The following TXNRD1 variants were observed in gnomAD, a reference collection of about 807,000 sequenced individuals.
TXNRD1 encodes thioredoxin reductase 1, also known as thioredoxin reductase 1, cytoplasmic.
A neutral mutation model predicts 80.3 loss-of-function variants in TXNRD1; 57 were observed. The observed-to-expected ratio is 0.71, with a 90% confidence interval of 0.57 to 0.89. TXNRD1 has a LOEUF of 0.89. Ranked by LOEUF, TXNRD1 falls within the 40% of genes least tolerant of loss-of-function variation. TXNRD1 has a pLI of 0.00. For synonymous variants in TXNRD1, 291 were observed against 285.2 expected, an observed-to-expected ratio of 1.02 and a Z score of -0.20; for missense variants, 730 against 803.0, an observed-to-expected ratio of 0.91 and a Z score of 1.10.
At chr12:104,254,644 A>AATATATATATATATATATAT (rs1178469026) in intron 2 of TXNRD1, among the ~76,000 whole-genome samples, 8 of 93,626 alleles carry the variant, frequency 8.5e-5, no homozygotes, top group Non-Finnish European at 1.1e-4. Context: ...AAAAAAAAAA[A>AATATATATATATATATATAT]ATATATATAT....
At chr12:104,315,030 A>G (rs1041455302) in intron 6 of TXNRD1, among the ~76,000 whole-genome samples, 2 of 152,204 alleles carry the variant, frequency 1.3e-5, no homozygotes, top group Non-Finnish European at 2.9e-5. Flanking sequence ...GGCGTGAGCC[A>G]CCACGCCCAG....
At chr12:104,296,786 G>A (rs945584497) in intron 4 of TXNRD1, among the ~76,000 whole-genome samples, 2 of 152,210 alleles carry the variant, frequency 1.3e-5, no homozygotes, top group African/African-American at 4.8e-5. Flanking sequence ...TTGTTCAGAA[G>A]AGATTCTAGG....
intron 1 of TXNRD1, among the ~76,000 whole-genome samples, chr12:104,236,426 A>T (rs374700711): frequency 1.3e-5 from 2 of 152,156 alleles, no homozygotes; most frequent in Admixed American, 6.5e-5. Context: ...AAAGCCAAAA[A>T]TCTTAACTGC....
intron 4 of TXNRD1, chr12:104,304,628 T>A: frequency 6.2e-7 from 1 of 1,613,912 alleles, no homozygotes; most frequent in Non-Finnish European, 8.5e-7. Context: ...GCAAACCTAC[T>A]TTCGAAAGTA....
chr12:104,330,846 C>G (rs1380234277), intron 13 of TXNRD1, among the ~76,000 whole-genome samples: 1 of 152,116 alleles, frequency 6.6e-6, no homozygotes, highest in Non-Finnish European at 1.5e-5. Flanking sequence ...CCTCAGCCTC[C>G]CAAAGTGCTC....
In TXNRD1 at chr12:104,304,883, A is replaced by G. The variant is rs1344097836; in HGVS notation, c.415-6407A>G. ...TTTGACTTTACAGGAGTGGAAAAAC[A>G]TTGTGGCAGCTTTTGAAATTTCTGA... On this transcript the variant is annotated intron_variant, in intron 4 of 16. Transcript: ENST00000525566. 6.2e-7 allele frequency: 1 copy of G among 1,611,802 alleles called. No homozygotes were observed. The highest frequency in any genetic ancestry group is 1.3e-5 in the African/African-American group (1 of 74,768).
chr12:104,262,207 G>C (rs2135714039), intron 3 of TXNRD1: 1 of 141,662 alleles, frequency 7.1e-6, no homozygotes, highest in East Asian at 2.0e-4. Context: ...ACTTCAGCCT[G>C]GGCAACAAGA....
intron 15 of TXNRD1, among the ~76,000 whole-genome samples, chr12:104,334,740 G>T (rs919780468): frequency 6.6e-6 from 1 of 152,180 alleles, no homozygotes; most frequent in African/African-American, 2.4e-5. Flanking sequence ...TCGCGTGCCA[G>T]TTGTCTCAGC....
intron 16 of TXNRD1, 46 bp downstream of exon 16, chr12:104,339,319 A>G: frequency 1.9e-6 from 3 of 1,610,538 alleles, no homozygotes; most frequent in Non-Finnish European, 2.5e-6. Context: ...AAAATGTGCC[A>G]CATAGAAGCA....
rs1159100977 is a variant in TXNRD1 at position 104,245,336 on chromosome 12, A to AC, written c.92-6187dup. Among the ~76,000 whole-genome samples, 5 of 151,586 alleles carry AC rather than the reference A, an allele frequency of 3.3e-5. No homozygotes were observed. In the East Asian group the frequency reaches 9.7e-4, roughly 30 times the overall value. On this transcript the variant is annotated intron_variant, in intron 1 of 16. Transcript: ENST00000525566. ...AGACCAGCCTGACCAACATAGTGAAACCCCGTCTCTACTAAAAATACAAAA... is the reference window on the plus strand; with the variant it reads ...AGACCAGCCTGACCAACATAGTGAAACCCCCGTCTCTACTAAAAATACAAAA...
intron 2 of TXNRD1, among the ~76,000 whole-genome samples, chr12:104,257,643 A>T (rs1393778049): frequency 1.3e-5 from 2 of 152,090 alleles, no homozygotes; most frequent in East Asian, 3.8e-4. Context: ...TCCTGACCTC[A>T]GGTGATCCAC....
At chr12:104,331,685 T>C (rs778176305) in intron 14 of TXNRD1, 44 bp downstream of exon 14, 2 of 1,299,246 alleles carry the variant, frequency 1.5e-6, no homozygotes, top group Non-Finnish European at 2.2e-6. Flanking sequence ...TCACTACTTT[T>C]TTTTCTTCAG....
chr12:104,345,110 A>C (rs2036449491), intron 16 of TXNRD1, among the ~76,000 whole-genome samples: 1 of 152,208 alleles, frequency 6.6e-6, no homozygotes, highest in Non-Finnish European at 1.5e-5. Context: ...ACGAAGAAGA[A>C]AGTTTAGAAA....
At chr12:104,299,231 C>A (rs35276618) in intron 4 of TXNRD1, among the ~76,000 whole-genome samples, 1 of 152,020 alleles carries the variant, frequency 6.6e-6, no homozygotes, top group African/African-American at 2.4e-5. Flanking sequence ...AGTAGTATTC[C>A]CGTCTTATAA....
At chr12:104,304,974 C>G (rs1565890251) in intron 4 of TXNRD1, 2 of 1,524,984 alleles carry the variant, frequency 1.3e-6, no homozygotes, top group South Asian at 1.3e-5. Flanking sequence ...TGTTTTTTTT[C>G]TGAAGTTAGA....
intron 1 of TXNRD1, among the ~76,000 whole-genome samples, chr12:104,236,318 C>T (rs2032735703): frequency 6.6e-6 from 1 of 152,176 alleles, no homozygotes; most frequent in Non-Finnish European, 1.5e-5. Flanking sequence ...CAAAAGCTTC[C>T]TATCACTCCT....
At chr12:104,339,344 T>C in intron 16 of TXNRD1, 71 bp downstream of exon 16, 1 of 1,593,890 alleles carries the variant, frequency 6.3e-7, no homozygotes, top group South Asian at 1.1e-5. Context: ...ACCCAGCTTA[T>C]ACATGGCAGA....
intron 1 of TXNRD1, among the ~76,000 whole-genome samples, chr12:104,247,016 A>T (rs2033010094): frequency 6.6e-6 from 1 of 152,138 alleles, no homozygotes; most frequent in African/African-American, 2.4e-5. Context: ...GATCTTAGGC[A>T]AAAAAGTTGG....
At chr12:104,263,575 A>G (rs766077480) in intron 3 of TXNRD1, among the ~76,000 whole-genome samples, 1 of 152,192 alleles carries the variant, frequency 6.6e-6, no homozygotes, top group African/African-American at 2.4e-5. Context: ...ACTTGTATCT[A>G]TACTTCAGGT....
Sources: gnomAD v4.1 joint callset for allele counts (sites outside exome capture counted in the v4.1 genomes callset) on GRCh38, gnomAD v4.1.1 for gene constraint, MANE v1.5 for transcripts, NCBI Gene and HGNC (gene_info 2026-07-23, HGNC 2026-07-21) for gene names.